Variants in PIAS4 observed in about 807,000 individuals in gnomAD.
PIAS4 encodes E3 SUMO-protein ligase PIAS4.
A neutral mutation model predicts 58.0 loss-of-function variants in PIAS4; 7 were observed. The ratio of observed to expected loss-of-function variants is 0.12; its 90% CI spans 0.07 to 0.23. The LOEUF is 0.23. PIAS4 is among the 10% of genes least tolerant of loss of function. PIAS4 has a pLI of 1.00. For missense variants in PIAS4, 550 were observed against 709.5 expected (o/e 0.78, Z 2.55); for synonymous variants, 364 against 312.4 (o/e 1.17, Z -1.74).
Position 4,028,682 on chromosome 19 carries a change from G to A in PIAS4, c.673-38G>A, listed in dbSNP as rs201741109. The A allele has an allele frequency of 6.4e-5, 103 of 1,603,322 alleles. No individual in the cohort carries two copies. In the African/African-American group the frequency reaches 1.2e-3, roughly 18 times the overall value. On this transcript the variant is annotated intron_variant, in intron 5 of 10. Coordinates refer to ENST00000262971, the MANE Select transcript of PIAS4 (RefSeq NM_015897.4). ...GTGGGGGCCGTCGGATTTCCCAGCC[G>A]CTCTTGGCTCGAGGCTGAGCGGCCC...
intron 1 of PIAS4, among the ~76,000 whole-genome samples, chr19:4,009,564 GC>G (rs113892857): frequency 1.5e-3 from 231 of 150,670 alleles, no homozygotes; most frequent in Middle Eastern, 0.011. Context: ...TGGTGGCTGG[GC>G]CCCCCCCCAC....
chr19:4,018,528 C>T (rs78974171), intron 2 of PIAS4: 11,249 of 152,290 alleles, frequency 0.074, 586 homozygotes, highest in South Asian at 0.18. Context: ...ACCGGCTCTG[C>T]CTGGCAGGGC....
intron 5 of PIAS4, 30 bp from the exon 6 acceptor site, chr19:4,028,690 C>A: frequency 1.2e-6 from 2 of 1,603,790 alleles, no homozygotes; most frequent in South Asian, 1.1e-5. Context: ...CCGCTCTTGG[C>A]TCGAGGCTGA....
Position 4,013,475 on chromosome 19 carries a change from A to G in PIAS4, c.454+126A>G, listed in dbSNP as rs1226690733. ...TGGCGCAGCCAGGGCGGGGAGCCAC[A>G]GTGGCCAGGGGTGTCCTTCCTCGGA... On this transcript the variant is annotated intron_variant, in intron 2 of 10. Coordinates refer to ENST00000262971, the MANE Select transcript of PIAS4 (RefSeq NM_015897.4). The surrounding 1 kb of genome is among the most constrained non-coding windows in gnomAD (Gnocchi z 5.1). 1.2e-6 allele frequency: 1 copy of G among 810,594 alleles called. No homozygotes were observed. The highest frequency in any genetic ancestry group is 1.9e-6 in the Non-Finnish European group (1 of 515,072). 50.2% of individuals were successfully genotyped at this position (810,594 alleles called of 1,614,324 possible).
At chr19:4,036,743 GCA>G (rs1159594457) in intron 9 of PIAS4, among the ~76,000 whole-genome samples, 8 of 133,484 alleles carry the variant, frequency 6.0e-5, no homozygotes, top group African/African-American at 1.5e-4. Flanking sequence ...ACCATCACAT[GCA>G]CACACACATC....
chr19:4,013,187 A>G lies in PIAS4; in HGVS notation c.292A>G (p.Arg98Gly), dbSNP rs1276032004. 6.2e-7 allele frequency: 1 copy of G among 1,613,464 alleles called. No individual in the cohort carries two copies. Among genetic ancestry groups the G allele is most frequent in the Non-Finnish European group, 8.5e-7 (1 of 1,179,998 alleles). Residue 98 changes from arginine to glycine, a missense_variant, in exon 2 of 11, where the codon AGG (arginine) becomes GGG (glycine). Transcript: ENST00000262971. This position sits in a 1 kb window ranked among gnomAD's most constrained non-coding sequence, Gnocchi z 5.1. ...CTACGACCGGGCCGGCGCTGTGCCC[A>G]GGACTCCGCTGGCAGGCCCCAATAT... ...STYDRAGAVP[R>G]TPLAGPNIDY... is the part of the protein sequence containing the mutation.
chr19:4,025,454 A>G (rs1260039568), intron 3 of PIAS4, among the ~76,000 whole-genome samples: 2 of 152,230 alleles, frequency 1.3e-5, no homozygotes, highest in South Asian at 4.1e-4. Context: ...CCATTTGCCC[A>G]GGTCACCCCT....
At position 4,037,334 on chromosome 19, in the gene PIAS4, G is replaced by GGTGGGGGGGGGGGGGGC; in HGVS notation, c.1143-40_1143-39insGTGGGGGGGGGGGGGGC. 1.3e-6 allele frequency: 2 copies of GGTGGGGGGGGGGGGGGC among 1,511,344 alleles called. No homozygotes were observed. Among genetic ancestry groups the GGTGGGGGGGGGGGGGGC allele is most frequent in the East Asian group, 2.3e-5 (1 of 43,034 alleles). 93.6% of individuals were successfully genotyped at this position (1,511,344 alleles called of 1,614,324 possible). Reference sequence around the variant, plus strand: ...AGGGCTGGGGAGTTGGGGGGGTGGGGCACCTCCAGCCCCGGCGTCAGCTGT... The same window carrying GGTGGGGGGGGGGGGGGC: ...AGGGCTGGGGAGTTGGGGGGGTGGGGGTGGGGGGGGGGGGGGCCACCTCCAGCCCCGGCGTCAGCTGT... On this transcript the variant is annotated intron_variant, in intron 9 of 10. Coordinates refer to ENST00000262971, the MANE Select transcript of PIAS4 (RefSeq NM_015897.4). This position sits in a 1 kb window ranked among gnomAD's most constrained non-coding sequence, Gnocchi z 5.8.
intron 1 of PIAS4, among the ~76,000 whole-genome samples, chr19:4,008,167 C>T (rs1392051094): frequency 6.6e-6 from 1 of 152,138 alleles, no homozygotes; most frequent in Non-Finnish European, 1.5e-5. Flanking sequence ...TGGTTCCGAG[C>T]CGGGGTCCTT....
rs1318882851 is a variant in PIAS4, at chr19:4,037,957, CTTTCTT to C, written c.*92_*97del. The C allele has an allele frequency of 6.8e-5, 95 of 1,386,894 alleles. No homozygotes were observed. Among genetic ancestry groups the C allele is most frequent in the Admixed American group, 3.5e-4 (13 of 36,726 alleles). 85.9% of individuals were successfully genotyped at this position (1,386,894 alleles called of 1,614,324 possible). Reference sequence around the variant, plus strand: ...CCTCGGGCGCAGAGGGAGGAGTGACCTTTCTTTTTCTTTTTATTGTCGTTCGTTTTG... The same window carrying C: ...CCTCGGGCGCAGAGGGAGGAGTGACCTTTCTTTTTATTGTCGTTCGTTTTG... On this transcript the variant is annotated 3_prime_UTR_variant, in exon 11 of 11. Transcript: ENST00000262971. This position sits in a 1 kb window ranked among gnomAD's most constrained non-coding sequence, Gnocchi z 5.8.
In PIAS4 at chr19:4,028,819, A is replaced by C; in HGVS notation, c.772A>C (p.Ile258Leu). The C allele has an allele frequency of 6.2e-7, 1 of 1,613,494 alleles. No homozygotes were observed. The highest frequency in any genetic ancestry group is 8.5e-7 in the Non-Finnish European group (1 of 1,179,908). ...LMYLSSATNR[I>L]TVTWGNYGKS... ...GTACCTGTCCTCGGCCACCAACCGC[A>C]TCACTGTCACCTGGGGGAACTACGG... The change falls in exon 6 of 11, where the codon ATC becomes CTC. Residue 258 changes from isoleucine (I) to leucine (L), a missense_variant. This residue lies in a region of PIAS4 where 225 missense variants were observed against 345.8 expected (regional missense o/e 0.65). Coordinates refer to ENST00000262971, the MANE Select transcript of PIAS4 (RefSeq NM_015897.4).
rs1012376845 is a variant in PIAS4, at chr19:4,013,645, T to C, written c.454+296T>C. Among the ~76,000 whole-genome samples the C allele has an allele frequency of 1.4e-5, 2 of 145,990 alleles. No individual in the cohort carries two copies. The highest frequency in any genetic ancestry group is 4.9e-5 in the African/African-American group (2 of 40,460). On this transcript the variant is annotated intron_variant, in intron 2 of 10. Transcript: ENST00000262971. The surrounding 1 kb of genome is among the most constrained non-coding windows in gnomAD (Gnocchi z 5.1). ...GGGCATTGGGGCTTGGGGGCTCTCA[T>C]GAGGCTCAGTCAGGCTGGAGCCACC...
Position 4,013,086 on chromosome 19 carries a change from C to G in PIAS4, c.191C>G (p.Thr64Ser). The change falls in exon 2 of 11, where the codon ACC (threonine) becomes AGC (serine). Residue 64 changes from threonine (T) to serine (S), a missense_variant. Thr to Ser is a moderately conservative substitution (Grantham distance 58). Transcript: ENST00000262971. The surrounding 1 kb of genome is among the most constrained non-coding windows in gnomAD (Gnocchi z 5.1). ...LFKKIKELYETRYAKKNSEPA... is the reference protein window; with the variant it reads ...LFKKIKELYESRYAKKNSEPA... Reference sequence around the variant, plus strand: ...AAGAAGATCAAGGAGCTGTACGAGACCCGCTACGCCAAGAAGAACTCGGAG... The same window carrying G: ...AAGAAGATCAAGGAGCTGTACGAGAGCCGCTACGCCAAGAAGAACTCGGAG... 1 of 1,613,454 alleles carries G rather than the reference C, an allele frequency of 6.2e-7. No homozygotes were observed. Among genetic ancestry groups the G allele is most frequent in the Non-Finnish European group, 8.5e-7 (1 of 1,179,994 alleles).
chr19:4,013,864 C>A lies in PIAS4; in HGVS notation c.454+515C>A, dbSNP rs572203659. On this transcript the variant is annotated intron_variant, in intron 2 of 10. Coordinates refer to ENST00000262971, the MANE Select transcript of PIAS4 (RefSeq NM_015897.4). This position sits in a 1 kb window ranked among gnomAD's most constrained non-coding sequence, Gnocchi z 5.1. Reference sequence around the variant, plus strand: ...CGAGTGTGCACCTCCAAGCTGGGAGCTGGAGCCCTTTTTATAACCCAACCT... The same window carrying A: ...CGAGTGTGCACCTCCAAGCTGGGAGATGGAGCCCTTTTTATAACCCAACCT... Among the ~76,000 whole-genome samples the A allele has an allele frequency of 2.0e-5, 3 of 152,280 alleles. No homozygotes were observed. The South Asian group carries it at 6.2e-4, about 32-fold the overall frequency.
chr19:4,019,956 G>A (rs147384379), intron 2 of PIAS4, among the ~76,000 whole-genome samples: 2,122 of 150,624 alleles, frequency 0.014, 59 homozygotes, highest in African/African-American at 0.05. Flanking sequence ...TCTCGCTGTC[G>A]CCCGGGCTGG....
chr19:4,033,936 C>T (rs934131549), intron 9 of PIAS4, among the ~76,000 whole-genome samples: 8 of 152,164 alleles, frequency 5.3e-5, no homozygotes, highest in Non-Finnish European at 8.8e-5. Flanking sequence ...CCCCAGGACG[C>T]GCAGCCTTGG....
chr19:4,034,180 C>T (rs1004285380), intron 9 of PIAS4, among the ~76,000 whole-genome samples: 8 of 152,184 alleles, frequency 5.3e-5, no homozygotes, highest in East Asian at 1.9e-4. Context: ...GCGCCGACCG[C>T]GCCCACCTCG....
chr19:4,033,661 C>G, intron 9 of PIAS4, 81 bp downstream of exon 9: 1 of 1,215,766 alleles, frequency 8.2e-7, no homozygotes. Context: ...CTGCAGACCA[C>G]ATGGTGCCCC....
intron 9 of PIAS4, among the ~76,000 whole-genome samples, chr19:4,036,954 CAT>C (rs2040303602): frequency 1.3e-5 from 2 of 152,082 alleles, no homozygotes; most frequent in Non-Finnish European, 2.9e-5. Context: ...AGACTCCACA[CAT>C]GCACACGTGC....
Sources: allele counts gnomAD v4.1 joint callset (sites outside exome capture counted in the v4.1 genomes callset), GRCh38; gene constraint gnomAD v4.1.1; regional missense constraint gnomAD v4.1.1; non-coding constraint Gnocchi (gnomAD v3.1); transcripts MANE v1.5; gene names NCBI Gene and HGNC (gene_info 2026-07-23, HGNC 2026-07-21).